KPNA1: variants seen among roughly 807,000 people sequenced by gnomAD.
KPNA1 encodes the protein importin subunit alpha-5.
KPNA1 carries 10 observed loss-of-function variants against 70.5 expected under a neutral mutation model. The observed-to-expected ratio is 0.14, with a 90% CI of 0.09 to 0.24. The LOEUF (loss-of-function observed/expected upper bound fraction) is 0.24, where lower values mean the gene tolerates loss of function less well. Ranked by LOEUF, KPNA1 falls within the 10% of genes least tolerant of loss-of-function variation. The pLI is 1.00. For missense variants in KPNA1, 397 were observed against 637.9 expected, an observed-to-expected ratio of 0.62 and a Z score of 4.07; for synonymous variants, 192 against 221.9, an observed-to-expected ratio of 0.87 and a Z score of 1.20.
intron 1 of KPNA1, among the ~76,000 whole-genome samples, chr3:122,512,158 A>G (rs2076961793): frequency 6.6e-6 from 1 of 152,158 alleles, no homozygotes; most frequent in Non-Finnish European, 1.5e-5. Flanking sequence ...GTCAAAGTAT[A>G]GAGAAACAGG....
At chr3:122,488,442 C>A (rs1289507684) in intron 2 of KPNA1, among the ~76,000 whole-genome samples, 2 of 152,114 alleles carry the variant, frequency 1.3e-5, no homozygotes, top group East Asian at 3.9e-4. Context: ...CACTTTGAGT[C>A]TGGGAGGTTG....
chr3:122,500,519 A>T (rs1349370356), intron 1 of KPNA1, among the ~76,000 whole-genome samples: 2 of 147,302 alleles, frequency 1.4e-5, no homozygotes, highest in Admixed American at 1.4e-4. Context: ...TCCCCCAGAT[A>T]CTCTCTCTCT....
intron 2 of KPNA1, among the ~76,000 whole-genome samples, chr3:122,467,678 C>T (rs2076396839): frequency 1.3e-5 from 2 of 151,832 alleles, no homozygotes; most frequent in Non-Finnish European, 1.5e-5. Flanking sequence ...AGAGGTCTGA[C>T]ACTATATGAC....
intron 11 of KPNA1, 146 bp downstream of exon 11, chr3:122,437,024 C>A (rs138043336): frequency 8.6e-6 from 6 of 700,922 alleles, no homozygotes; most frequent in East Asian, 2.7e-5. Context: ...AAGTGATCCA[C>A]GGGCCTCAGC....
intron 9 of KPNA1, 120 bp downstream of exon 9, chr3:122,449,454 A>G: frequency 2.5e-6 from 2 of 808,734 alleles, no homozygotes; most frequent in Non-Finnish European, 3.8e-6. Flanking sequence ...TAACAAAAAC[A>G]GTAGCCCAAA....
At chr3:122,508,329 A>AACAG (rs1223834402) in intron 1 of KPNA1, among the ~76,000 whole-genome samples, 2 of 152,196 alleles carry the variant, frequency 1.3e-5, no homozygotes, top group African/African-American at 4.8e-5. Context: ...CCTACCCACA[A>AACAG]ACAGGATGCT....
intron 1 of KPNA1, among the ~76,000 whole-genome samples, chr3:122,501,376 T>C (rs1310574148): frequency 3.9e-5 from 6 of 152,188 alleles, no homozygotes; most frequent in African/African-American, 1.4e-4. Flanking sequence ...CTTTAAGCAC[T>C]GCTTTAGCTG....
chr3:122,480,075 A>G (rs962463775), intron 2 of KPNA1, among the ~76,000 whole-genome samples: 1 of 152,236 alleles, frequency 6.6e-6, no homozygotes, highest in African/African-American at 2.4e-5. Context: ...AAAGGCATAC[A>G]CATTGTATGA....
chr3:122,428,963 C>A (rs1320317357), intron 12 of KPNA1, among the ~76,000 whole-genome samples: 1 of 152,050 alleles, frequency 6.6e-6, no homozygotes, highest in Non-Finnish European at 1.5e-5. Context: ...AACATGAATA[C>A]AAAAATCCTC....
intron 9 of KPNA1, among the ~76,000 whole-genome samples, chr3:122,448,853 C>A (rs989345243): frequency 1.3e-5 from 2 of 152,160 alleles, no homozygotes; most frequent in African/African-American, 4.8e-5. Context: ...CAGACTCCTG[C>A]AGCATCATAC....
intron 10 of KPNA1, among the ~76,000 whole-genome samples, chr3:122,440,225 T>C (rs1051566416): frequency 6.6e-6 from 1 of 151,892 alleles, no homozygotes; most frequent in Non-Finnish European, 1.5e-5. Flanking sequence ...AATATTCTGA[T>C]GGATAAAGAA....
chr3:122,457,370 G>GT (rs1253245172), intron 5 of KPNA1, among the ~76,000 whole-genome samples: 1 of 146,866 alleles, frequency 6.8e-6, no homozygotes, highest in Non-Finnish European at 1.5e-5. Context: ...AAGCAACCCT[G>GT]TTACCAGGAA....
chr3:122,437,149 A>G (rs377754939), intron 11 of KPNA1, 21 bp downstream of exon 11: 19 of 1,597,288 alleles, frequency 1.2e-5, no homozygotes, highest in Non-Finnish European at 1.6e-5. Flanking sequence ...CTGAAAGAGA[A>G]GTTAGGTCCT....
Position 122,422,462 on chromosome 3 carries a change from T to C in KPNA1, c.*4523A>G, listed in dbSNP as rs2075774169. On this transcript the variant is annotated 3_prime_UTR_variant, in exon 14 of 14. Transcript: ENST00000344337. ...GGCCTACACTCCAGTCTGTGTAACC[T>C]AAAAGCAACTTAAGCCTGATTTCGT... 1 of 151,836 alleles carries C rather than the reference T, an allele frequency of 6.6e-6. No homozygotes were observed. Among genetic ancestry groups the C allele is most frequent in the South Asian group, 2.1e-4 (1 of 4,818 alleles). The allele number at this position is 151,836 out of a possible 1,614,324, so 9.4% of individuals were successfully genotyped here.
intron 12 of KPNA1, chr3:122,432,802 C>T (rs765992238): frequency 5.3e-5 from 8 of 152,118 alleles, no homozygotes; most frequent in Non-Finnish European, 8.8e-5. Flanking sequence ...AGCTGCTCGT[C>T]GGGCATGATG....
intron 2 of KPNA1, among the ~76,000 whole-genome samples, chr3:122,478,554 T>A (rs1426866646): frequency 4.0e-5 from 6 of 151,818 alleles, no homozygotes; most frequent in African/African-American, 1.5e-4. Flanking sequence ...AAACCCCATC[T>A]CTACTAAAAA....
chr3:122,492,004 G>T (rs1452212199), intron 2 of KPNA1, among the ~76,000 whole-genome samples: 1 of 151,042 alleles, frequency 6.6e-6, no homozygotes, highest in Non-Finnish European at 1.5e-5. Context: ...TGGGACTACA[G>T]GCGCGCGCCA....
intron 2 of KPNA1, among the ~76,000 whole-genome samples, chr3:122,475,922 C>G (rs1377022640): frequency 6.6e-6 from 1 of 152,068 alleles, no homozygotes; most frequent in African/African-American, 2.4e-5. Flanking sequence ...GTTGAGTAAG[C>G]TGAGGAGGAG....
intron 2 of KPNA1, among the ~76,000 whole-genome samples, chr3:122,486,700 G>A (rs1315751116): frequency 4.6e-5 from 7 of 151,898 alleles, no homozygotes; most frequent in African/African-American, 1.7e-4. Context: ...CCATTCTCCT[G>A]CCTCAGCCTC....
Sources: allele counts gnomAD v4.1 joint callset (sites outside exome capture counted in the v4.1 genomes callset), GRCh38; gene constraint gnomAD v4.1.1; transcripts MANE v1.5; gene names NCBI Gene and HGNC (gene_info 2026-07-23, HGNC 2026-07-21).